NRXN3: variants seen among roughly 807,000 people sequenced by gnomAD.
NRXN3 encodes neurexin III.
Under a neutral mutation model 137.6 loss-of-function variants are expected in NRXN3, and 32 were observed. The ratio of observed to expected loss-of-function variants is 0.23; its 90% confidence interval spans 0.18 to 0.31. The LOEUF is 0.31. Among genes scored for constraint, NRXN3 ranks in the 10% least tolerant of loss-of-function variants. The pLI is 1.00. For missense variants in NRXN3, 1,574 were observed against 2,062.5 expected (o/e 0.76, Z 4.59); for synonymous variants, 798 against 784.5 (o/e 1.02, Z -0.29).
At chr14:78,707,060 G>A (rs1421370155) in intron 6 of NRXN3, among the ~76,000 whole-genome samples, 1 of 152,156 alleles carries the variant, frequency 6.6e-6, no homozygotes, top group East Asian at 1.9e-4. Context: ...AGCGAAATGA[G>A]ATTAACAATA....
intron 15 of NRXN3, among the ~76,000 whole-genome samples, chr14:79,284,548 A>G (rs2081934492): frequency 6.6e-6 from 1 of 151,764 alleles, no homozygotes; most frequent in Non-Finnish European, 1.5e-5. Flanking sequence ...AGTTGAGGAC[A>G]TGGAACTCTT....
intron 15 of NRXN3, among the ~76,000 whole-genome samples, chr14:79,126,370 T>C (rs1295372065): frequency 3.2e-5 from 4 of 126,982 alleles, no homozygotes; most frequent in Admixed American, 2.0e-4. Flanking sequence ...TTCCCCTTCC[T>C]GTGTCCATGT....
At chr14:78,661,008 A>C (rs999473952) in intron 6 of NRXN3, among the ~76,000 whole-genome samples, 1 of 152,248 alleles carries the variant, frequency 6.6e-6, no homozygotes, top group African/African-American at 2.4e-5. Context: ...GGATACAGAG[A>C]GAATTTGTAA....
chr14:79,664,040 C>T, intron 17 of NRXN3, 91 bp downstream of exon 17: 1 of 1,289,558 alleles, frequency 7.8e-7, no homozygotes, highest in Admixed American at 1.8e-5. Context: ...TCACCAAATT[C>T]CAGAACACTG....
At chr14:78,516,940 T>C (rs765227452) in intron 4 of NRXN3, among the ~76,000 whole-genome samples, 1 of 152,210 alleles carries the variant, frequency 6.6e-6, no homozygotes, top group Non-Finnish European at 1.5e-5. Context: ...TTGAATTATC[T>C]AGGTCTCAGT....
At chr14:79,793,316 G>A (rs1483211186) in intron 19 of NRXN3, among the ~76,000 whole-genome samples, 1 of 152,150 alleles carries the variant, frequency 6.6e-6, no homozygotes, top group Non-Finnish European at 1.5e-5. Context: ...TCGGGAGCCT[G>A]AGGCAGGAGA....
At chr14:78,463,434 C>T (rs1400326988) in intron 4 of NRXN3, among the ~76,000 whole-genome samples, 3 of 151,654 alleles carry the variant, frequency 2.0e-5, no homozygotes, top group African/African-American at 4.8e-5. Flanking sequence ...ACTGTTGAAT[C>T]GAATGGTAAT....
chr14:79,179,937 A>G (rs1235272060), intron 15 of NRXN3, among the ~76,000 whole-genome samples: 3 of 152,156 alleles, frequency 2.0e-5, no homozygotes, highest in South Asian at 2.1e-4. Flanking sequence ...TTAATGCTCA[A>G]TCAGTGCCCC....
chr14:78,479,637 G>A (rs1484602937), intron 4 of NRXN3, among the ~76,000 whole-genome samples: 1 of 152,172 alleles, frequency 6.6e-6, no homozygotes, highest in African/African-American at 2.4e-5. Flanking sequence ...TTTTAAATGA[G>A]CTCTTCCAGT....
intron 1 of NRXN3, among the ~76,000 whole-genome samples, chr14:78,215,093 A>G (rs962603764): frequency 1.9e-4 from 29 of 152,140 alleles, no homozygotes; most frequent in Admixed American, 1.8e-3. Flanking sequence ...ACAAATGTCA[A>G]TACTGTGCCA....
intron 19 of NRXN3, among the ~76,000 whole-genome samples, chr14:79,768,902 A>G (rs2099066445): frequency 6.6e-6 from 1 of 151,460 alleles, no homozygotes; most frequent in African/African-American, 2.4e-5. Context: ...GTATAACTAG[A>G]ATAACCAATA....
intron 1 of NRXN3, among the ~76,000 whole-genome samples, chr14:78,220,719 A>T (rs2063762427): frequency 6.6e-6 from 1 of 152,100 alleles, no homozygotes; most frequent in Non-Finnish European, 1.5e-5. Context: ...ACAGGGTCCC[A>T]GGGAGGTGGC....
chr14:79,450,113 C>T (rs1203616146), intron 15 of NRXN3, among the ~76,000 whole-genome samples: 2 of 151,342 alleles, frequency 1.3e-5, no homozygotes, highest in African/African-American at 4.9e-5. Flanking sequence ...ATACTCACTC[C>T]CTCTCTCTCT....
chr14:79,374,949 A>G (rs561453482), intron 15 of NRXN3, among the ~76,000 whole-genome samples: 32 of 152,260 alleles, frequency 2.1e-4, no homozygotes, highest in Non-Finnish European at 4.1e-4. Context: ...TTTTCCATGA[A>G]CAGCAGCATC....
intron 19 of NRXN3, among the ~76,000 whole-genome samples, chr14:79,712,813 G>A (rs573341961): frequency 3.9e-5 from 6 of 152,160 alleles, no homozygotes; most frequent in African/African-American, 1.4e-4. Flanking sequence ...CTGCCTCACA[G>A]CTATCATCCT....
intron 4 of NRXN3, among the ~76,000 whole-genome samples, chr14:78,558,039 C>G (rs1319625825): frequency 6.6e-6 from 1 of 152,154 alleles, no homozygotes; most frequent in Non-Finnish European, 1.5e-5. Flanking sequence ...AGTAACTTCC[C>G]CAAGATGACA....
At chr14:79,179,830 C>A (rs1326570198) in intron 15 of NRXN3, among the ~76,000 whole-genome samples, 1 of 152,130 alleles carries the variant, frequency 6.6e-6, no homozygotes, top group African/African-American at 2.4e-5. Flanking sequence ...AGACCAGGAG[C>A]CTTTATGTCA....
intron 4 of NRXN3, among the ~76,000 whole-genome samples, chr14:78,388,230 A>G (rs913759344): frequency 2.0e-5 from 3 of 152,190 alleles, no homozygotes; most frequent in African/African-American, 7.2e-5. Context: ...GCCAAAACTG[A>G]AATTCGCGCT....
At chr14:78,945,065 C>T (rs866391402) in intron 10 of NRXN3, among the ~76,000 whole-genome samples, 8 of 152,148 alleles carry the variant, frequency 5.3e-5, no homozygotes, top group African/African-American at 1.7e-4. Flanking sequence ...ACATCTCCCC[C>T]GGTGAAGTGT....
Sources: gnomAD v4.1 joint callset for allele counts (sites outside exome capture counted in the v4.1 genomes callset) on GRCh38, gnomAD v4.1.1 for gene constraint, MANE v1.5 for transcripts, NCBI Gene and HGNC (gene_info 2026-07-23, HGNC 2026-07-21) for gene names.